Variants in AOPEP observed in about 807,000 individuals in gnomAD.
The protein encoded by AOPEP is aminopeptidase O.
AOPEP carries 77 observed loss-of-function variants against 98.1 expected under a neutral mutation model. The observed-to-expected ratio is 0.78, with a 90% CI of 0.65 to 0.95. AOPEP has a LOEUF of 0.95. Among genes scored for constraint, AOPEP ranks in the 40% least tolerant of loss-of-function variants. AOPEP has a pLI of 0.00. For synonymous variants in AOPEP, 346 were observed against 365.3 expected (o/e 0.95, Z 0.60); for missense variants, 1,024 against 1,024.7 (o/e 1.00, Z 0.01).
intron 14 of AOPEP, among the ~76,000 whole-genome samples, chr9:95,075,800 T>C (rs1191014355): frequency 1.3e-5 from 2 of 152,136 alleles, no homozygotes; most frequent in Non-Finnish European, 2.9e-5. Context: ...GGCCAGAGGA[T>C]CGCTTGAGCC....
At chr9:94,758,762 G>A (rs1175933466) in intron 1 of AOPEP, among the ~76,000 whole-genome samples, 2 of 152,170 alleles carry the variant, frequency 1.3e-5, no homozygotes, top group Admixed American at 1.3e-4. Flanking sequence ...ACACAACGGG[G>A]ACTGAAATAA....
the AOPEP span, among the ~76,000 whole-genome samples, chr9:95,092,700 T>C: frequency 1.7e-3 from 252 of 152,328 alleles, no homozygotes; most frequent in Non-Finnish European, 2.7e-3. Context: ...AAGCTGCCCA[T>C]GGTCAGACCC....
At chr9:94,805,890 G>T (rs1223220759) in intron 5 of AOPEP, among the ~76,000 whole-genome samples, 1 of 152,150 alleles carries the variant, frequency 6.6e-6, no homozygotes, top group Non-Finnish European at 1.5e-5. Context: ...GGTACAAAGG[G>T]CCTGTTGTTT....
intron 5 of AOPEP, among the ~76,000 whole-genome samples, chr9:94,822,787 G>T (rs1806996): frequency 4.6e-5 from 7 of 152,082 alleles, no homozygotes; most frequent in Non-Finnish European, 8.8e-5. Flanking sequence ...TACATGTCAT[G>T]TATCATCCCA....
intron 5 of AOPEP, among the ~76,000 whole-genome samples, chr9:94,888,652 GT>G (rs779517012): frequency 4.6e-5 from 7 of 152,128 alleles, no homozygotes; most frequent in Non-Finnish European, 1.0e-4. Flanking sequence ...GTCAAAGAAA[GT>G]TTTTTGTAGT....
intron 16 of AOPEP, chr9:95,086,249 G>A (rs1017074929): frequency 1.3e-5 from 16 of 1,228,038 alleles, no homozygotes; most frequent in Non-Finnish European, 1.6e-5. Context: ...CGGCGTGGGG[G>A]TTTGTAGACT....
intron 10 of AOPEP, among the ~76,000 whole-genome samples, chr9:94,973,527 G>A (rs2059654593): frequency 6.6e-6 from 1 of 152,212 alleles, no homozygotes; most frequent in East Asian, 1.9e-4. Context: ...TGTTAACTAA[G>A]TGTGACCAAA....
intron 5 of AOPEP, among the ~76,000 whole-genome samples, chr9:94,913,549 A>C (rs1360744100): frequency 6.6e-6 from 1 of 152,248 alleles, no homozygotes; most frequent in East Asian, 1.9e-4. Flanking sequence ...ATGAATCCCC[A>C]ATAGCCAGGT....
At chr9:94,811,058 A>G (rs1850471601) in intron 5 of AOPEP, among the ~76,000 whole-genome samples, 1 of 152,132 alleles carries the variant, frequency 6.6e-6, no homozygotes, top group African/African-American at 2.4e-5. Context: ...GCTTCCAGAT[A>G]TCTCCATTTG....
At chr9:95,046,327 C>G (rs2133700736) in intron 13 of AOPEP, among the ~76,000 whole-genome samples, 1 of 152,280 alleles carries the variant, frequency 6.6e-6, no homozygotes, top group African/African-American at 2.4e-5. Flanking sequence ...AAAGTACATG[C>G]TAAAATGTTT....
At chr9:94,824,870 G>T (rs1000886317) in intron 5 of AOPEP, 1 of 77,772 alleles carries the variant, frequency 1.3e-5, no homozygotes. Flanking sequence ...TTCCCATTTG[G>T]TGAGTGTTTT....
chr9:95,036,623 G>C (rs1309114809), intron 13 of AOPEP, among the ~76,000 whole-genome samples: 1 of 150,952 alleles, frequency 6.6e-6, no homozygotes, highest in African/African-American at 2.4e-5. Flanking sequence ...GTTGGGTTTT[G>C]TTTTATTTCT....
intron 16 of AOPEP, among the ~76,000 whole-genome samples, chr9:95,083,712 CAT>C (rs572343500): frequency 2.1e-4 from 32 of 152,208 alleles, no homozygotes; most frequent in Admixed American, 5.9e-4. Context: ...ACACAGAGCA[CAT>C]GTGGCACACA....
At chr9:94,878,731 G>A (rs1314120800) in intron 5 of AOPEP, among the ~76,000 whole-genome samples, 2 of 152,294 alleles carry the variant, frequency 1.3e-5, no homozygotes, top group East Asian at 3.9e-4. Flanking sequence ...CTTTGGCCAA[G>A]ACAACCCAAT....
the AOPEP span, among the ~76,000 whole-genome samples, chr9:95,146,132 T>C: frequency 6.6e-6 from 1 of 152,068 alleles, no homozygotes; most frequent in African/African-American, 2.4e-5. Context: ...TAAAATGCAT[T>C]GTATAGCAAG....
chr9:95,031,591 C>T (rs1258502853), intron 13 of AOPEP, among the ~76,000 whole-genome samples: 1 of 152,190 alleles, frequency 6.6e-6, no homozygotes, highest in Non-Finnish European at 1.5e-5. Context: ...GGAGTGAGGA[C>T]AGAACTGCAC....
rs117884555 is a variant in AOPEP, at chr9:95,032,901, G to C, written c.2115+27285G>C. On this transcript the variant is annotated intron_variant, in intron 13 of 16. Coordinates refer to ENST00000375315, the MANE Select transcript of AOPEP (RefSeq NM_001193329.3). ...CAGGCTATGTGATGGGCATGTGCATGTATAGGTGTGTATAATGGGGATAAG... is the reference window on the plus strand; with the variant it reads ...CAGGCTATGTGATGGGCATGTGCATCTATAGGTGTGTATAATGGGGATAAG... Among the ~76,000 whole-genome samples the C allele has an allele frequency of 4.5e-3, 687 of 152,328 alleles. 7 individuals carry two copies. Among genetic ancestry groups the C allele is most frequent in the Non-Finnish European group, 7.8e-3 (528 of 68,032 alleles).
chr9:95,110,660 A>G, the AOPEP span: 1 of 1,048,370 alleles, frequency 9.5e-7, no homozygotes, highest in Non-Finnish European at 1.2e-6. Flanking sequence ...GTGTTTTCAA[A>G]CAACAGAAAA....
intron 5 of AOPEP, among the ~76,000 whole-genome samples, chr9:94,817,169 T>A (rs966852381): frequency 1.6e-4 from 25 of 152,032 alleles, no homozygotes; most frequent in Admixed American, 1.6e-3. Flanking sequence ...GCCTGGCTAA[T>A]TTTCTGTGTG....
Sources: allele counts gnomAD v4.1 joint callset (sites outside exome capture counted in the v4.1 genomes callset), GRCh38; gene constraint gnomAD v4.1.1; transcripts MANE v1.5; gene names NCBI Gene and HGNC (gene_info 2026-07-23, HGNC 2026-07-21).